Variants in SLC22A16 observed in about 807,000 individuals in gnomAD.
SLC22A16 encodes solute carrier family 22 member 16.
A neutral mutation model predicts 52.9 loss-of-function variants in SLC22A16; 53 were observed. The observed-to-expected ratio is 1.00, with a 90% confidence interval of 0.80 to 1.26. The LOEUF (loss-of-function observed/expected upper bound fraction) is 1.26, where lower values mean the gene tolerates loss of function less well. Ranked by LOEUF, SLC22A16 falls within the 50% of genes most tolerant of loss-of-function variation. The probability of loss-of-function intolerance (pLI) is 0.00; values close to 1 mark genes in which losing one functional copy is unlikely to be tolerated. For synonymous variants in SLC22A16, 291 were observed against 268.8 expected (o/e 1.08, Z -0.81); for missense variants, 726 against 704.0 (o/e 1.03, Z -0.35).
intron 3 of SLC22A16, among the ~76,000 whole-genome samples, chr6:110,445,266 G>A (rs1775125554): frequency 6.6e-6 from 1 of 151,792 alleles, no homozygotes; most frequent in Non-Finnish European, 1.5e-5. Context: ...TCATCTCAGG[G>A]CCCTTTCATC....
rs368759964 is a variant in SLC22A16 at position 110,456,537 on chromosome 6, C to T, written c.533+1G>A. On this transcript the variant is annotated splice_donor_variant, in intron 2 of 7. Transcript: ENST00000368919. LOFTEE classifies it high-confidence loss of function. ...CAACAATCCTAAATATTTGATTTTA[C>T]CTGTCAGAAAAGTAGCCAAAAGTCA... 1.9e-6 allele frequency: 3 copies of T among 1,613,318 alleles called. No individual in the cohort carries two copies. Among genetic ancestry groups the T allele is most frequent in the East Asian group, 2.2e-5 (1 of 44,876 alleles).
At chr6:110,428,560 A>G (rs1405851597) in intron 7 of SLC22A16, among the ~76,000 whole-genome samples, 1 of 152,218 alleles carries the variant, frequency 6.6e-6, no homozygotes, top group East Asian at 1.9e-4. Context: ...TCATCTGTAA[A>G]ATGAAGAGAA....
rs1775316804 is a variant in SLC22A16 at position 110,450,094 on chromosome 6, T to A, written c.534-3104A>T. 2.0e-5 allele frequency among the ~76,000 whole-genome samples: 3 copies of A among 152,134 alleles called. No homozygotes were observed. The South Asian group carries it at 6.2e-4, about 32-fold the overall frequency. On this transcript the variant is annotated intron_variant, in intron 2 of 7. Coordinates refer to ENST00000368919, the MANE Select transcript of SLC22A16 (RefSeq NM_033125.4). ...ATTCAGAAACAGTGTGATGCAGTAGTTGGGGATGCTGGCCTGGGCTCAAAT... is the reference window on the plus strand; with the variant it reads ...ATTCAGAAACAGTGTGATGCAGTAGATGGGGATGCTGGCCTGGGCTCAAAT...
chr6:110,465,468 T>C (rs56015625), intron 1 of SLC22A16, among the ~76,000 whole-genome samples: 7,526 of 152,210 alleles, frequency 0.049, 226 homozygotes, highest in South Asian at 0.085. Flanking sequence ...AAAATTAATG[T>C]ACAAAAATCA....
At chr6:110,462,406 G>GAAA (rs1775915998) in intron 1 of SLC22A16, among the ~76,000 whole-genome samples, 1 of 152,104 alleles carries the variant, frequency 6.6e-6, no homozygotes, top group Non-Finnish European at 1.5e-5. Flanking sequence ...TGGATTGTAA[G>GAAA]AAAGCTCACT....
At chr6:110,462,234 C>A (rs1775910843) in intron 1 of SLC22A16, among the ~76,000 whole-genome samples, 1 of 152,136 alleles carries the variant, frequency 6.6e-6, no homozygotes. Context: ...GGACACAGAA[C>A]CAAACTATAT....
At chr6:110,449,602 A>C (rs1398521964) in intron 2 of SLC22A16, among the ~76,000 whole-genome samples, 1 of 152,020 alleles carries the variant, frequency 6.6e-6, no homozygotes, top group African/African-American at 2.4e-5. Flanking sequence ...CTCTTCTAAA[A>C]CTGCTCTCTC....
At chr6:110,454,064 C>T (rs971086096) in intron 2 of SLC22A16, among the ~76,000 whole-genome samples, 14 of 152,138 alleles carry the variant, frequency 9.2e-5, no homozygotes, top group Non-Finnish European at 1.9e-4. Context: ...GAGGGATTTG[C>T]CCCCATGGCC....
At chr6:110,474,119 T>C (rs1776375239) in intron 1 of SLC22A16, among the ~76,000 whole-genome samples, 1 of 152,170 alleles carries the variant, frequency 6.6e-6, no homozygotes, top group Non-Finnish European at 1.5e-5. Flanking sequence ...TGAGTGCTCC[T>C]TATGAGAATC....
intron 1 of SLC22A16, among the ~76,000 whole-genome samples, chr6:110,468,141 C>T (rs1370855973): frequency 6.6e-5 from 10 of 152,174 alleles, no homozygotes; most frequent in Non-Finnish European, 1.0e-4. Context: ...AGCTAGTCCA[C>T]GAAAGAAAAC....
At chr6:110,432,073 T>C (rs1178911638) in intron 6 of SLC22A16, among the ~76,000 whole-genome samples, 1 of 152,212 alleles carries the variant, frequency 6.6e-6, no homozygotes, top group African/African-American at 2.4e-5. Context: ...AGAAAATGTA[T>C]AGAATGTTAG....
Position 110,464,181 on chromosome 6 carries a change from A to T in SLC22A16, c.54-7164T>A, listed in dbSNP as rs1329316034. ...GAAAGCTTATAGCATTAATTGCTCA[A>T]ATCAAAAAGACAGATCTCAAATTAA... On this transcript the variant is annotated intron_variant, in intron 1 of 7. Coordinates refer to ENST00000368919, the MANE Select transcript of SLC22A16 (RefSeq NM_033125.4). Among the ~76,000 whole-genome samples, 4 of 152,014 alleles carry T rather than the reference A, an allele frequency of 2.6e-5. No individual in the cohort carries two copies. In the East Asian group the frequency reaches 7.7e-4, roughly 29 times the overall value.
intron 1 of SLC22A16, chr6:110,476,230 A>C: frequency 1.9e-6 from 1 of 530,932 alleles, no homozygotes; most frequent in Non-Finnish European, 2.9e-6. Context: ...AGATGCCTCC[A>C]GCATCTGCTG....
chr6:110,466,884 T>C (rs372642292), intron 1 of SLC22A16, among the ~76,000 whole-genome samples: 1 of 151,964 alleles, frequency 6.6e-6, no homozygotes, highest in East Asian at 1.9e-4. Flanking sequence ...TAAGAGTCCA[T>C]CAGTGGTTAA....
intron 6 of SLC22A16, among the ~76,000 whole-genome samples, chr6:110,433,544 T>G (rs1774592645): frequency 6.6e-6 from 1 of 152,196 alleles, no homozygotes. Flanking sequence ...TGGACTTATC[T>G]CTATAGAAAG....
chr6:110,445,203 C>T (rs1034079565), intron 3 of SLC22A16, among the ~76,000 whole-genome samples: 1 of 152,154 alleles, frequency 6.6e-6, no homozygotes, highest in Non-Finnish European at 1.5e-5. Context: ...CCTTCAGCCT[C>T]ATCAATGCGT....
At chr6:110,427,402 C>T (rs1242057539) in intron 7 of SLC22A16, among the ~76,000 whole-genome samples, 3 of 152,146 alleles carry the variant, frequency 2.0e-5, no homozygotes, top group Non-Finnish European at 4.4e-5. Flanking sequence ...TCCTCAGAGT[C>T]CTTTTCTGTA....
chr6:110,454,397 A>C (rs1182824795), intron 2 of SLC22A16, among the ~76,000 whole-genome samples: 1 of 150,456 alleles, frequency 6.6e-6, no homozygotes, highest in Non-Finnish European at 1.5e-5. Flanking sequence ...GTTTTTCTGG[A>C]GCTCCCAAGT....
intron 1 of SLC22A16, chr6:110,475,917 C>T (rs2114353141): frequency 2.2e-6 from 1 of 456,648 alleles, no homozygotes. Flanking sequence ...GTTTCCCAAT[C>T]ACTAAAATAA....
Sources: gnomAD v4.1 joint callset for allele counts (sites outside exome capture counted in the v4.1 genomes callset) on GRCh38, gnomAD v4.1.1 for gene constraint, MANE v1.5 for transcripts, NCBI Gene and HGNC (gene_info 2026-07-23, HGNC 2026-07-21) for gene names.